Variants in CRY1 observed in about 807,000 individuals in gnomAD.
CRY1 encodes cryptochrome-1.
In CRY1, 45 loss-of-function variants were observed where a neutral mutation model predicts 76.0. That is an observed-to-expected ratio of 0.59 (90% confidence interval 0.47 to 0.76). The LOEUF (loss-of-function observed/expected upper bound fraction) is 0.76, where lower values mean the gene tolerates loss of function less well. Ranked by LOEUF, CRY1 falls within the 30% of genes least tolerant of loss-of-function variation. The probability of loss-of-function intolerance (pLI) is 0.00; values close to 1 mark genes in which losing one functional copy is unlikely to be tolerated. For synonymous variants in CRY1, 248 were observed against 244.0 expected, an observed-to-expected ratio of 1.02 and a Z score of -0.15; for missense variants, 587 against 716.4, an observed-to-expected ratio of 0.82 and a Z score of 2.06.
At chr12:107,009,421 T>A (rs548139214) in intron 2 of CRY1, among the ~76,000 whole-genome samples, 1 of 151,624 alleles carries the variant, frequency 6.6e-6, no homozygotes, top group South Asian at 2.1e-4. Flanking sequence ...TGCCTGTAAT[T>A]CCAGCTACTC....
At chr12:106,993,972 C>A (rs1397084068) in intron 10 of CRY1, among the ~76,000 whole-genome samples, 2 of 152,028 alleles carry the variant, frequency 1.3e-5, no homozygotes, top group Non-Finnish European at 2.9e-5. Context: ...CATGTGCACA[C>A]ACACACAAAT....
chr12:107,043,040 G>C (rs1350233483), intron 1 of CRY1: 1 of 152,130 alleles, frequency 6.6e-6, no homozygotes, highest in African/African-American at 2.4e-5. Context: ...CTATGCCATC[G>C]TAGAATTGGA....
chr12:107,058,438 T>G (rs1218393098), intron 1 of CRY1, among the ~76,000 whole-genome samples: 3 of 152,072 alleles, frequency 2.0e-5, no homozygotes, highest in Admixed American at 2.0e-4. Context: ...AGAAAATAGT[T>G]ACAGGACTGG....
intron 1 of CRY1, among the ~76,000 whole-genome samples, chr12:107,043,404 C>T (rs1001039628): frequency 3.9e-5 from 6 of 152,132 alleles, no homozygotes; most frequent in African/African-American, 1.4e-4. Flanking sequence ...TGGAGCCCTA[C>T]ATCCCAGGGA....
intron 1 of CRY1, among the ~76,000 whole-genome samples, chr12:107,067,800 A>C (rs1000598620): frequency 1.3e-5 from 2 of 152,170 alleles, no homozygotes; most frequent in Non-Finnish European, 2.9e-5. Context: ...CTTGAAACTG[A>C]CTGAATGATA....
intron 1 of CRY1, among the ~76,000 whole-genome samples, chr12:107,057,923 G>A (rs1565839010): frequency 2.0e-5 from 3 of 151,920 alleles, no homozygotes; most frequent in South Asian, 4.2e-4. Context: ...AATTAGCTGG[G>A]CATGGTGGCA....
chr12:107,024,390 G>A (rs968266394), intron 1 of CRY1, among the ~76,000 whole-genome samples: 3 of 151,862 alleles, frequency 2.0e-5, no homozygotes, highest in Non-Finnish European at 2.9e-5. Flanking sequence ...TAAGCATTCC[G>A]AATGCTTTTA....
At chr12:107,078,757 CTG>C (rs1953288020) in intron 1 of CRY1, among the ~76,000 whole-genome samples, 1 of 152,122 alleles carries the variant, frequency 6.6e-6, no homozygotes. Flanking sequence ...TGGTCTATTT[CTG>C]TGTTTCCTAA....
At chr12:107,065,952 A>G (rs1186066166) in intron 1 of CRY1, among the ~76,000 whole-genome samples, 1 of 152,240 alleles carries the variant, frequency 6.6e-6, no homozygotes, top group Non-Finnish European at 1.5e-5. Flanking sequence ...CAGTAAAATT[A>G]TAGAGGCATT....
chr12:107,002,060 T>C, intron 3 of CRY1, 112 bp from the exon 4 acceptor site: 4 of 849,228 alleles, frequency 4.7e-6, no homozygotes, highest in Non-Finnish European at 7.1e-6. Context: ...ACTGAAGTCT[T>C]TGAGGGTGTT....
chr12:107,081,393 A>G (rs1186688222), intron 1 of CRY1, among the ~76,000 whole-genome samples: 2 of 152,046 alleles, frequency 1.3e-5, no homozygotes, highest in Non-Finnish European at 2.9e-5. Context: ...GCTGTGGAGA[A>G]CACAAAAAGG....
At chr12:106,998,971 G>A (rs566559831) in intron 7 of CRY1, among the ~76,000 whole-genome samples, 16 of 151,296 alleles carry the variant, frequency 1.1e-4, no homozygotes, top group Non-Finnish European at 2.1e-4. Context: ...GAACCTGGAA[G>A]GCGTAGGTTG....
chr12:107,014,110 G>A (rs1160247421), intron 2 of CRY1, among the ~76,000 whole-genome samples: 1 of 151,638 alleles, frequency 6.6e-6, no homozygotes, highest in East Asian at 2.0e-4. Context: ...ATTGGATGGA[G>A]CGTGCTGCCA....
chr12:107,006,383 A>T (rs938904043), intron 2 of CRY1, among the ~76,000 whole-genome samples: 3 of 152,148 alleles, frequency 2.0e-5, no homozygotes, highest in Admixed American at 6.5e-5. Flanking sequence ...CTCAAAAAAA[A>T]AAAATTGCTA....
At chr12:107,013,398 AT>A (rs1160360209) in intron 2 of CRY1, among the ~76,000 whole-genome samples, 2 of 152,136 alleles carry the variant, frequency 1.3e-5, no homozygotes, top group East Asian at 3.9e-4. Flanking sequence ...TAAGGTGTGT[AT>A]TTTTTTTAGT....
intron 1 of CRY1, among the ~76,000 whole-genome samples, chr12:107,069,643 A>AAAAGTATAT (rs1953161280): frequency 1.5e-5 from 1 of 66,748 alleles, no homozygotes; most frequent in African/African-American, 5.5e-5. Flanking sequence ...TATATATATA[A>AAAAGTATAT]AAAGTATATA....
chr12:107,069,026 T>C (rs1953146983), intron 1 of CRY1, among the ~76,000 whole-genome samples: 1 of 152,198 alleles, frequency 6.6e-6, no homozygotes, highest in East Asian at 1.9e-4. Flanking sequence ...GCTATGGACA[T>C]TCATGTATAA....
At chr12:106,995,038 G>T (rs1308367318) in intron 10 of CRY1, among the ~76,000 whole-genome samples, 1 of 152,196 alleles carries the variant, frequency 6.6e-6, no homozygotes, top group Non-Finnish European at 1.5e-5. Context: ...ATTTGCAGAG[G>T]AGGCCCAATG....
At position 106,992,791 on chromosome 12, in the gene CRY1, TTAG is replaced by T; in HGVS notation, c.1754_1756del (p.Thr585del). ...ATACAGCTCTAAAATATTTACCTAA[TTAG>T]TGCTCTGTCTCTGGACTTTAGGACC... On this transcript the variant is annotated inframe_deletion, in exon 12 of 13. Transcript: ENST00000008527. 1 of 1,612,060 alleles carries T rather than the reference TTAG, an allele frequency of 6.2e-7. No homozygotes were observed. Among genetic ancestry groups the T allele is most frequent in the Non-Finnish European group, 8.5e-7 (1 of 1,178,106 alleles).
Sources: gnomAD v4.1 joint callset for allele counts (sites outside exome capture counted in the v4.1 genomes callset) on GRCh38, gnomAD v4.1.1 for gene constraint, MANE v1.5 for transcripts, NCBI Gene and HGNC (gene_info 2026-07-23, HGNC 2026-07-21) for gene names.